SHB: variants seen among roughly 807,000 people sequenced by gnomAD.
SHB encodes SH2 domain containing adaptor protein B.
In SHB, 20 loss-of-function variants were observed where a neutral mutation model predicts 52.3. The observed-to-expected ratio is 0.38, with a 90% CI of 0.27 to 0.56. The LOEUF is 0.56. Ranked by LOEUF, SHB falls within the 20% of genes least tolerant of loss-of-function variation. The pLI, the probability that SHB is intolerant of heterozygous loss-of-function variation, is 0.71. For synonymous variants in SHB, 397 were observed against 316.5 expected, an observed-to-expected ratio of 1.25 and a Z score of -2.70; for missense variants, 825 against 723.3, an observed-to-expected ratio of 1.14 and a Z score of -1.61.
chr9:38,011,779 A>G (rs923673872), intron 2 of SHB, among the ~76,000 whole-genome samples: 1 of 152,240 alleles, frequency 6.6e-6, no homozygotes, highest in Non-Finnish European at 1.5e-5. Flanking sequence ...CAAAAGGATT[A>G]TAACTTCTTT....
chr9:37,984,285 G>A (rs1820776366), intron 2 of SHB, among the ~76,000 whole-genome samples: 1 of 152,208 alleles, frequency 6.6e-6, no homozygotes, highest in South Asian at 2.1e-4. Flanking sequence ...AATGCACTGG[G>A]AACGGGAGGG....
chr9:37,997,847 T>G (rs1371793710), intron 2 of SHB, among the ~76,000 whole-genome samples: 3 of 152,174 alleles, frequency 2.0e-5, no homozygotes, highest in Non-Finnish European at 4.4e-5. Context: ...AGCTTCTCAC[T>G]GTGTGACAAG....
chr9:38,028,738 T>C (rs900295059), intron 1 of SHB, among the ~76,000 whole-genome samples: 23 of 152,256 alleles, frequency 1.5e-4, no homozygotes, highest in African/African-American at 4.3e-4. Context: ...ATCTCAGCAA[T>C]TGACAAAATC....
At position 37,948,615 on chromosome 9, in the gene SHB, G is replaced by A. The variant is rs1243979057; in HGVS notation, c.1346+20C>T. ...CAGAGGCTGCCGAGGAGGGCTGGGG[G>A]TGCTCGGGGCGGCACTCACCTCAGG... On this transcript the variant is annotated intron_variant, in intron 5 of 5. Coordinates refer to ENST00000377707, the MANE Select transcript of SHB (RefSeq NM_003028.3). 6.2e-7 allele frequency: 1 copy of A among 1,612,452 alleles called. No individual in the cohort carries two copies. Among genetic ancestry groups the A allele is most frequent in the Admixed American group, 1.7e-5 (1 of 60,018 alleles).
intron 1 of SHB, among the ~76,000 whole-genome samples, chr9:38,060,377 G>GT (rs1821877317): frequency 1.3e-5 from 2 of 152,094 alleles, no homozygotes; most frequent in Non-Finnish European, 2.9e-5. Flanking sequence ...GTTTCACCAT[G>GT]TTGGCCAGGC....
In SHB at chr9:37,918,869, CCTGA is replaced by C. The variant is rs888523920; in HGVS notation, c.*948_*951del. ...GGTTTTTTGGTCAACACTGGAGGCT[CCTGA>C]CTATGTCCACTGCTGAAGCCTGAAC... is the stretch of plus-strand genomic sequence containing the variant. On this transcript the variant is annotated 3_prime_UTR_variant, in exon 6 of 6. Transcript: ENST00000377707. Among the ~76,000 whole-genome samples, 1 of 152,158 alleles carries C rather than the reference CCTGA, an allele frequency of 6.6e-6. No homozygotes were observed. Among genetic ancestry groups the C allele is most frequent in the Non-Finnish European group, 1.5e-5 (1 of 68,028 alleles).
At position 37,924,251 on chromosome 9, in the gene SHB, G is replaced by C. The variant is rs1156899358; in HGVS notation, c.1347-4247C>G. Among the ~76,000 whole-genome samples, 4 of 152,144 alleles carry C rather than the reference G, an allele frequency of 2.6e-5. No homozygotes were observed. The South Asian group carries it at 6.2e-4, about 24-fold the overall frequency. On this transcript the variant is annotated intron_variant, in intron 5 of 5. Coordinates refer to ENST00000377707, the MANE Select transcript of SHB (RefSeq NM_003028.3). ...ATCATCAGGATTATCAAATGTGCCG[G>C]GCACGCAGGGCTAATAACAGGCCCC...
intron 2 of SHB, among the ~76,000 whole-genome samples, chr9:38,000,391 T>C (rs1820996345): frequency 6.6e-6 from 1 of 152,212 alleles, no homozygotes; most frequent in East Asian, 1.9e-4. Flanking sequence ...TTTTCACCAC[T>C]GCCCACGACC....
intron 4 of SHB, among the ~76,000 whole-genome samples, chr9:37,949,148 C>G (rs182920781): frequency 6.6e-6 from 1 of 152,138 alleles, no homozygotes; most frequent in Non-Finnish European, 1.5e-5. Flanking sequence ...GTAATCCCAG[C>G]GCTTTGGGAG....
At chr9:37,953,955 A>G (rs1832596543) in intron 4 of SHB, among the ~76,000 whole-genome samples, 1 of 152,046 alleles carries the variant, frequency 6.6e-6, no homozygotes, top group Admixed American at 6.5e-5. Context: ...TCAAGTGGGA[A>G]TGGGAAAGGA....
At chr9:37,932,168 G>A (rs1832318770) in intron 5 of SHB, among the ~76,000 whole-genome samples, 1 of 147,928 alleles carries the variant, frequency 6.8e-6, no homozygotes, top group African/African-American at 2.5e-5. Context: ...TGTAATCCCA[G>A]ATACTCGGGA....
At chr9:38,052,989 G>A (rs977629299) in intron 1 of SHB, among the ~76,000 whole-genome samples, 4 of 152,202 alleles carry the variant, frequency 2.6e-5, no homozygotes, top group Non-Finnish European at 5.9e-5. Context: ...ATGTGCCTAT[G>A]GGGAGTACCT....
chr9:38,013,497 A>G (rs1237592380), intron 2 of SHB, among the ~76,000 whole-genome samples: 3 of 152,212 alleles, frequency 2.0e-5, no homozygotes, highest in Admixed American at 6.5e-5. Context: ...TCAACTACTC[A>G]GGAGGCTGAG....
intron 1 of SHB, among the ~76,000 whole-genome samples, chr9:38,022,933 A>C (rs1446313411): frequency 6.6e-6 from 1 of 152,018 alleles, no homozygotes; most frequent in East Asian, 1.9e-4. Context: ...CTTTGGGGGG[A>C]AGGTCAGCTG....
At position 38,067,940 on chromosome 9, in the gene SHB, T is replaced by A; in HGVS notation, c.706A>T (p.Lys236Ter). 6.5e-7 allele frequency: 1 copy of A among 1,537,878 alleles called. No homozygotes were observed. The highest frequency in any genetic ancestry group is 8.7e-7 in the Non-Finnish European group (1 of 1,152,798). Residue 236 changes from lysine (K) to a stop codon, truncating the protein, a stop_gained, in exon 1 of 6, where the codon AAG becomes TAG. Coordinates refer to ENST00000377707, the MANE Select transcript of SHB (RefSeq NM_003028.3). LOFTEE classifies it high-confidence loss of function. Reference sequence around the variant, plus strand: ...AAGGGGCACCTTACCTTGTCCTTCTTGCCGGCCCCGCTCTCCTCCGCGGCT... The same window carrying A: ...AAGGGGCACCTTACCTTGTCCTTCTAGCCGGCCCCGCTCTCCTCCGCGGCT... ...ASAAEESGAG[K>*]KDKVTIADDY...
At chr9:38,037,967 G>A (rs924609479) in intron 1 of SHB, among the ~76,000 whole-genome samples, 1 of 152,116 alleles carries the variant, frequency 6.6e-6, no homozygotes, top group African/African-American at 2.4e-5. Context: ...TTTAAAATCT[G>A]GCTCTCTTCC....
chr9:37,996,233 A>C (rs1453567047), intron 2 of SHB, among the ~76,000 whole-genome samples: 2 of 151,974 alleles, frequency 1.3e-5, no homozygotes, highest in African/African-American at 4.8e-5. Flanking sequence ...GCATGAAGCG[A>C]CTCCACTTTC....
At chr9:37,935,849 T>C (rs1018702009) in intron 5 of SHB, among the ~76,000 whole-genome samples, 2 of 151,388 alleles carry the variant, frequency 1.3e-5, no homozygotes, top group African/African-American at 4.9e-5. Context: ...ACAAAGAAAA[T>C]CTCAAGACAG....
intron 1 of SHB, among the ~76,000 whole-genome samples, chr9:38,065,664 G>C (rs1400871113): frequency 1.3e-5 from 2 of 152,164 alleles, no homozygotes; most frequent in Non-Finnish European, 2.9e-5. Flanking sequence ...AAAGATCAAA[G>C]GTCTCGCAGT....
Sources: allele counts gnomAD v4.1 joint callset (sites outside exome capture counted in the v4.1 genomes callset), GRCh38; gene constraint gnomAD v4.1.1; transcripts MANE v1.5; gene names NCBI Gene and HGNC (gene_info 2026-07-23, HGNC 2026-07-21).